The following RAB27B variants were observed in gnomAD, a reference collection of about 807,000 sequenced individuals.
The protein encoded by RAB27B is ras-related protein Rab-27B.
Under a neutral mutation model 24.6 loss-of-function variants are expected in RAB27B, and 15 were observed. That is an observed-to-expected ratio of 0.61 (90% CI 0.41 to 0.94). The LOEUF (loss-of-function observed/expected upper bound fraction) is 0.94. RAB27B is among the 40% of genes least tolerant of loss of function. RAB27B has a pLI of 0.00. For missense variants in RAB27B, 261 were observed against 266.8 expected (o/e 0.98, Z 0.15); for synonymous variants, 105 against 92.5 (o/e 1.14, Z -0.78).
At chr18:54,802,084 T>A (rs1909630473) in intron 2 of RAB27B, among the ~76,000 whole-genome samples, 1 of 152,210 alleles carries the variant, frequency 6.6e-6, no homozygotes, top group South Asian at 2.1e-4. Flanking sequence ...AAAACCTTCA[T>A]TTTTGTTAGA....
At chr18:54,769,985 A>T (rs1264895786) in intron 2 of RAB27B, among the ~76,000 whole-genome samples, 1 of 152,128 alleles carries the variant, frequency 6.6e-6, no homozygotes, top group African/African-American at 2.4e-5. Flanking sequence ...CTCCTGCCTC[A>T]GCCTCCTGAG....
intron 1 of RAB27B, among the ~76,000 whole-genome samples, chr18:54,854,381 T>G (rs961741200): frequency 6.6e-5 from 10 of 152,226 alleles, no homozygotes; most frequent in Non-Finnish European, 1.5e-4. Context: ...TTTAGGATTT[T>G]CATTGGTAGA....
intron 2 of RAB27B, among the ~76,000 whole-genome samples, chr18:54,769,410 A>C (rs893449271): frequency 6.6e-6 from 1 of 150,576 alleles, no homozygotes; most frequent in African/African-American, 2.4e-5. Context: ...TTTCAATTTG[A>C]TCTTCTAGAA....
At chr18:54,846,847 T>G (rs1478054655) in intron 1 of RAB27B, among the ~76,000 whole-genome samples, 1 of 151,558 alleles carries the variant, frequency 6.6e-6, no homozygotes, top group African/African-American at 2.4e-5. Flanking sequence ...CATGACTTTT[T>G]GTTTGTTTGT....
chr18:54,810,293 T>C (rs1909921320), intron 2 of RAB27B, among the ~76,000 whole-genome samples: 1 of 152,178 alleles, frequency 6.6e-6, no homozygotes, highest in South Asian at 2.1e-4. Flanking sequence ...CGAATAAAAA[T>C]TAATTCTAGG....
intron 2 of RAB27B, among the ~76,000 whole-genome samples, chr18:54,819,772 T>TC (rs1910243353): frequency 1.6e-5 from 1 of 63,284 alleles, no homozygotes; most frequent in South Asian, 6.5e-4. Context: ...CCCTCCCCCC[T>TC]CCCCCACCCC....
intron 1 of RAB27B, among the ~76,000 whole-genome samples, chr18:54,832,549 T>C (rs972528148): frequency 2.6e-5 from 4 of 152,226 alleles, no homozygotes; most frequent in Non-Finnish European, 5.9e-5. Context: ...CAAGTGGCTA[T>C]GGATACTATT....
chr18:54,749,549 C>T (rs1198856508), intron 2 of RAB27B, among the ~76,000 whole-genome samples: 3 of 152,074 alleles, frequency 2.0e-5, no homozygotes, highest in Non-Finnish European at 4.4e-5. Context: ...AATGAGTTAC[C>T]CTCCTACTCA....
chr18:54,718,308 C>G (rs1909253170), intron 2 of RAB27B, among the ~76,000 whole-genome samples: 1 of 151,542 alleles, frequency 6.6e-6, no homozygotes, highest in African/African-American at 2.4e-5. Flanking sequence ...GGGCCTGAAA[C>G]TCTACTTTGG....
At chr18:54,870,117 T>G (rs934061554) in intron 1 of RAB27B, among the ~76,000 whole-genome samples, 1 of 152,142 alleles carries the variant, frequency 6.6e-6, no homozygotes, top group Admixed American at 6.6e-5. Flanking sequence ...TCTATGAAGT[T>G]AATATAATGC....
intron 2 of RAB27B, among the ~76,000 whole-genome samples, chr18:54,761,559 A>C (rs1364656803): frequency 1.9e-4 from 29 of 152,182 alleles, no homozygotes; most frequent in Admixed American, 1.9e-3. Context: ...CCTTCATCTC[A>C]GTTTATCCTC....
chr18:54,718,239 T>C (rs1217208613), intron 2 of RAB27B: 1 of 152,034 alleles, frequency 6.6e-6, no homozygotes, highest in Non-Finnish European at 1.5e-5. Flanking sequence ...TGAGATGCCA[T>C]CTGCATATTT....
intron 4 of RAB27B, among the ~76,000 whole-genome samples, chr18:54,885,418 T>C (rs1489782503): frequency 3.3e-5 from 5 of 152,164 alleles, no homozygotes; most frequent in African/African-American, 1.2e-4. Flanking sequence ...CTGGGCTTCC[T>C]CCGTAATTCC....
intron 2 of RAB27B, among the ~76,000 whole-genome samples, chr18:54,730,024 T>TC (rs1471835120): frequency 2.6e-5 from 4 of 151,898 alleles, no homozygotes; most frequent in Non-Finnish European, 5.9e-5. Flanking sequence ...ATTTGGGTTT[T>TC]TTTAGGTAAA....
intron 2 of RAB27B, among the ~76,000 whole-genome samples, chr18:54,749,432 C>T (rs1189378421): frequency 6.6e-6 from 1 of 152,122 alleles, no homozygotes; most frequent in East Asian, 1.9e-4. Flanking sequence ...AAATCCCTTG[C>T]TCTAACTCTC....
chr18:54,831,385 A>AGATAATG (rs1385608821), intron 1 of RAB27B, among the ~76,000 whole-genome samples: 1 of 152,020 alleles, frequency 6.6e-6, no homozygotes, highest in Non-Finnish European at 1.5e-5. Flanking sequence ...GGGGGAGAGG[A>AGATAATG]GATAATGGGG....
rs1234136040 is a variant in RAB27B at position 54,890,744 on chromosome 18, G to A, written c.*1331G>A. The stretch of plus-strand genomic sequence containing the variant: ...AGTTGAGCTGTATTTTGGGGGATTG[G>A]GTGAGGAAGGACTTCTGATCTTATC... On this transcript the variant is annotated 3_prime_UTR_variant, in exon 6 of 6. Transcript: ENST00000262094. The A allele has an allele frequency of 3.1e-5, 1 of 31,940 alleles. No individual in the cohort carries two copies. The highest frequency in any genetic ancestry group is 7.3e-5 in the Non-Finnish European group (1 of 13,672). 2.0% of individuals were successfully genotyped at this position (31,940 alleles called of 1,614,324 possible). A position where few individuals can be genotyped will look rare whatever the true frequency, so the allele number is the denominator to read the frequency against.
chr18:54,882,192 C>T (rs1273257822), intron 3 of RAB27B, among the ~76,000 whole-genome samples: 1 of 152,110 alleles, frequency 6.6e-6, no homozygotes, highest in African/African-American at 2.4e-5. Flanking sequence ...AAATAAATAG[C>T]AGTGAAAATA....
intron 1 of RAB27B, among the ~76,000 whole-genome samples, chr18:54,842,002 A>C (rs913227449): frequency 3.3e-5 from 5 of 152,230 alleles, no homozygotes; most frequent in Admixed American, 3.3e-4. Flanking sequence ...AGCTAAATGG[A>C]GTCCAGTATT....
Sources: gnomAD v4.1 joint callset for allele counts (sites outside exome capture counted in the v4.1 genomes callset) on GRCh38, gnomAD v4.1.1 for gene constraint, MANE v1.5 for transcripts, NCBI Gene and HGNC (gene_info 2026-07-23, HGNC 2026-07-21) for gene names.